MBOAT2: variants seen among roughly 807,000 people sequenced by gnomAD.
MBOAT2 encodes the protein membrane bound glycerophospholipid O-acyltransferase 2, also known as membrane-bound glycerophospholipid O-acyltransferase 2.
MBOAT2 carries 28 observed loss-of-function variants against 63.4 expected under a neutral mutation model. The observed-to-expected ratio is 0.44, with a 90% CI of 0.33 to 0.61. The LOEUF is 0.61. MBOAT2 is among the 20% of genes least tolerant of loss of function. The pLI, the probability that MBOAT2 is intolerant of heterozygous loss-of-function variation, is 0.03. For missense variants in MBOAT2, 470 were observed against 605.8 expected, an observed-to-expected ratio of 0.78 and a Z score of 2.35; for synonymous variants, 211 against 215.6, an observed-to-expected ratio of 0.98 and a Z score of 0.19.
intron 4 of MBOAT2, among the ~76,000 whole-genome samples, chr2:8,896,955 G>T (rs1016925041): frequency 7.9e-5 from 12 of 152,236 alleles, no homozygotes; most frequent in Non-Finnish European, 1.5e-4. Context: ...AAGGCTACGG[G>T]CTGTCAGTGG....
intron 3 of MBOAT2, among the ~76,000 whole-genome samples, chr2:8,930,116 T>C (rs1667213711): frequency 6.6e-6 from 1 of 152,242 alleles, no homozygotes; most frequent in African/African-American, 2.4e-5. Context: ...CCTGTCTCCT[T>C]TGCCATGCCG....
intron 1 of MBOAT2, among the ~76,000 whole-genome samples, chr2:8,979,370 C>T (rs1671046975): frequency 2.0e-5 from 3 of 151,970 alleles, no homozygotes; most frequent in African/African-American, 7.2e-5. Flanking sequence ...TTTAAAGTTT[C>T]CAGACATTGC....
chr2:8,879,031 C>A (rs891799860), intron 6 of MBOAT2, among the ~76,000 whole-genome samples: 79 of 149,954 alleles, frequency 5.3e-4, no homozygotes, highest in African/African-American at 1.9e-3. Context: ...AGCCGAGATC[C>A]CGCCACTGCA....
At chr2:8,973,843 C>G (rs1670633242) in intron 1 of MBOAT2, among the ~76,000 whole-genome samples, 1 of 152,124 alleles carries the variant, frequency 6.6e-6, no homozygotes, top group Non-Finnish European at 1.5e-5. Context: ...AACAGGCACA[C>G]TAAACATTGT....
At chr2:8,970,426 C>A (rs980510694) in intron 1 of MBOAT2, among the ~76,000 whole-genome samples, 3 of 152,126 alleles carry the variant, frequency 2.0e-5, no homozygotes, top group African/African-American at 7.2e-5. Flanking sequence ...CAGGAAAGAT[C>A]TAAAATTGAC....
chr2:8,955,323 G>A (rs1335446821), intron 2 of MBOAT2, among the ~76,000 whole-genome samples: 1 of 152,176 alleles, frequency 6.6e-6, no homozygotes, highest in Non-Finnish European at 1.5e-5. Flanking sequence ...CAGGGCTTGG[G>A]AGAAATAAAG....
chr2:8,953,594 C>A (rs1668995205), intron 2 of MBOAT2, among the ~76,000 whole-genome samples: 1 of 152,116 alleles, frequency 6.6e-6, no homozygotes, highest in African/African-American at 2.4e-5. Context: ...CATTTGGTTG[C>A]TTTACATAAT....
At chr2:8,884,794 C>G (rs1476562093) in intron 5 of MBOAT2, among the ~76,000 whole-genome samples, 1 of 152,198 alleles carries the variant, frequency 6.6e-6, no homozygotes, top group Non-Finnish European at 1.5e-5. Flanking sequence ...TTGCATAGAA[C>G]AAACTTGTGT....
intron 3 of MBOAT2, among the ~76,000 whole-genome samples, chr2:8,937,003 C>CTCT (rs1351374571): frequency 6.6e-6 from 1 of 152,196 alleles, no homozygotes; most frequent in African/African-American, 2.4e-5. Context: ...GAAACACATT[C>CTCT]CTCTTCCCCT....
chr2:8,950,694 T>C (rs2103257417), intron 2 of MBOAT2, among the ~76,000 whole-genome samples: 1 of 152,342 alleles, frequency 6.6e-6, no homozygotes, highest in East Asian at 1.9e-4. Context: ...CCCAAAGTGC[T>C]GGGATTACAG....
rs1672829194 is a variant in MBOAT2 at position 9,003,170 on chromosome 2, G to A, written c.75+370C>T. On this transcript the variant is annotated intron_variant, in intron 1 of 12. Coordinates refer to ENST00000305997, the MANE Select transcript of MBOAT2 (RefSeq NM_138799.4). The surrounding 1 kb of genome is among the most constrained non-coding windows in gnomAD (Gnocchi z 5.4). The stretch of plus-strand genomic sequence containing the variant: ...CCTTCCGCACCCTTTCCACAACCCG[G>A]TCCATGCGCACCGGGGGCTGCTCCG... Among the ~76,000 whole-genome samples, 2 of 152,168 alleles carry A rather than the reference G, an allele frequency of 1.3e-5. No individual in the cohort carries two copies. The highest frequency in any genetic ancestry group is 1.3e-4 in the Admixed American group (2 of 15,296).
intron 1 of MBOAT2, among the ~76,000 whole-genome samples, chr2:8,990,231 G>C (rs555060327): frequency 2.2e-4 from 34 of 152,250 alleles, no homozygotes; most frequent in African/African-American, 7.7e-4. Context: ...TTTGCTCCAG[G>C]ATTCTGAGAA....
At chr2:8,900,342 C>A (rs1477795682) in intron 4 of MBOAT2, among the ~76,000 whole-genome samples, 1 of 152,180 alleles carries the variant, frequency 6.6e-6, no homozygotes, top group East Asian at 1.9e-4. Flanking sequence ...GCATTCTTTT[C>A]ATTAAAGGCC....
chr2:8,865,691 T>C (rs904034587), intron 9 of MBOAT2, among the ~76,000 whole-genome samples: 5 of 152,280 alleles, frequency 3.3e-5, no homozygotes, highest in Admixed American at 1.3e-4. Context: ...CTCCTAGGAG[T>C]TGTGTAATCT....
rs536649997 is a variant in MBOAT2 at position 8,966,699 on chromosome 2, T to C, written c.76-8057A>G. ...ACGACATCATTACACATCCACCAGA[T>C]TGCCAAAAGTTTAGTGTCACAATAC... On this transcript the variant is annotated intron_variant, in intron 1 of 12. Coordinates refer to ENST00000305997, the MANE Select transcript of MBOAT2 (RefSeq NM_138799.4). Among the ~76,000 whole-genome samples the C allele has an allele frequency of 2.0e-5, 3 of 152,288 alleles. No individual in the cohort carries two copies. In the East Asian group the frequency reaches 5.8e-4, roughly 29 times the overall value.
chr2:8,963,143 TG>T (rs1669732670), intron 1 of MBOAT2, among the ~76,000 whole-genome samples: 1 of 149,338 alleles, frequency 6.7e-6, no homozygotes, highest in Admixed American at 6.7e-5. Flanking sequence ...GGAGGTGAGG[TG>T]GAAGGATTGC....
chr2:8,949,448 T>A (rs971803745), intron 2 of MBOAT2, among the ~76,000 whole-genome samples: 3 of 152,152 alleles, frequency 2.0e-5, no homozygotes, highest in Non-Finnish European at 4.4e-5. Flanking sequence ...TTGCTTTTTT[T>A]TTTTTCAGGG....
intron 1 of MBOAT2, among the ~76,000 whole-genome samples, chr2:8,965,377 T>C (rs1479359703): frequency 6.6e-6 from 1 of 152,136 alleles, no homozygotes; most frequent in Non-Finnish European, 1.5e-5. Flanking sequence ...GTGAGATCAG[T>C]GTTATCTCTA....
chr2:8,917,836 T>C (rs1666295028), intron 3 of MBOAT2, among the ~76,000 whole-genome samples: 3 of 152,216 alleles, frequency 2.0e-5, no homozygotes, highest in Admixed American at 2.0e-4. Context: ...ACAACTCAAA[T>C]GTCCATTAAT....
Sources: gnomAD v4.1 joint callset for allele counts (sites outside exome capture counted in the v4.1 genomes callset) on GRCh38, gnomAD v4.1.1 for gene constraint, Gnocchi (gnomAD v3.1) non-coding constraint, MANE v1.5 for transcripts, NCBI Gene and HGNC (gene_info 2026-07-23, HGNC 2026-07-21) for gene names.